PRKAR1B: variants seen among roughly 807,000 people sequenced by gnomAD.
PRKAR1B encodes the protein cAMP-dependent protein kinase type I-beta regulatory subunit.
PRKAR1B carries 22 observed loss-of-function variants against 46.5 expected under a neutral mutation model. The ratio of observed to expected loss-of-function variants is 0.47; its 90% CI spans 0.34 to 0.68. The LOEUF (loss-of-function observed/expected upper bound fraction) is 0.68. Ranked by LOEUF, PRKAR1B falls within the 30% of genes least tolerant of loss-of-function variation. PRKAR1B has a pLI of 0.01. For synonymous variants in PRKAR1B, 259 were observed against 217.7 expected (o/e 1.19, Z -1.67); for missense variants, 445 against 535.6 (o/e 0.83, Z 1.67).
intron 4 of PRKAR1B, among the ~76,000 whole-genome samples, chr7:622,692 C>A (rs549284398): frequency 6.6e-6 from 1 of 152,260 alleles, no homozygotes; most frequent in African/African-American, 2.4e-5. Flanking sequence ...AACAGTAGGT[C>A]TGCAGAGAAT....
intron 6 of PRKAR1B, among the ~76,000 whole-genome samples, chr7:599,659 C>T (rs1781480589): frequency 6.6e-6 from 1 of 152,270 alleles, no homozygotes; most frequent in Admixed American, 6.5e-5. Flanking sequence ...ATCACTGCAG[C>T]TTCTCTGGCG....
At position 672,845 on chromosome 7, in the gene PRKAR1B, C is replaced by A. The variant is rs143702559; in HGVS notation, c.440+4384G>T. ...TTGCAAGACTGCACTCCCGCCTGGG[C>A]AAGAAGAGTGAAACTCCATCTCAAA... On this transcript the variant is annotated intron_variant, in intron 4 of 10. Coordinates refer to ENST00000537384, the MANE Select transcript of PRKAR1B (RefSeq NM_001164760.2). Among the ~76,000 whole-genome samples, 262 of 151,772 alleles carry A rather than the reference C, an allele frequency of 1.7e-3. 2 individuals are homozygous for A. Among genetic ancestry groups the A allele is most frequent in the African/African-American group, 6.0e-3 (250 of 41,358 alleles).
chr7:595,463 C>A (rs868600746), intron 7 of PRKAR1B, among the ~76,000 whole-genome samples: 1 of 152,226 alleles, frequency 6.6e-6, no homozygotes, highest in Non-Finnish European at 1.5e-5. Flanking sequence ...GTGTTCCCCA[C>A]AGACCTGCAC....
intron 4 of PRKAR1B, among the ~76,000 whole-genome samples, chr7:613,808 C>T (rs1019144938): frequency 6.6e-6 from 1 of 152,250 alleles, no homozygotes; most frequent in Non-Finnish European, 1.5e-5. Flanking sequence ...CCAAGACAAG[C>T]GCAGGTTGGG....
intron 9 of PRKAR1B, among the ~76,000 whole-genome samples, chr7:567,529 TCATCACTATCACCATCA>T (rs2128432516): frequency 6.7e-6 from 1 of 150,100 alleles, no homozygotes; most frequent in Non-Finnish European, 1.5e-5. Flanking sequence ...ACCATCACCA[TCATCACTATCACCATCA>T]TCATCACCAT....
intron 9 of PRKAR1B, among the ~76,000 whole-genome samples, chr7:555,924 C>T (rs1778397804): frequency 6.6e-6 from 1 of 152,196 alleles, no homozygotes; most frequent in African/African-American, 2.4e-5. Flanking sequence ...ATCCAGGCCC[C>T]CCACCTCAAT....
chr7:591,411 G>A (rs1780969545), intron 7 of PRKAR1B, among the ~76,000 whole-genome samples: 1 of 152,086 alleles, frequency 6.6e-6, no homozygotes, highest in Non-Finnish European at 1.5e-5. Flanking sequence ...GGCACGGGGA[G>A]GGCGGGGGCG....
chr7:656,555 A>AATGG (rs148755226), intron 4 of PRKAR1B, among the ~76,000 whole-genome samples: 8 of 151,668 alleles, frequency 5.3e-5, no homozygotes, highest in Admixed American at 6.6e-5. Context: ...TGAGTGAGGG[A>AATGG]ATGGATGGAT....
chr7:688,704 C>A (rs933567194), intron 2 of PRKAR1B, among the ~76,000 whole-genome samples: 3 of 152,174 alleles, frequency 2.0e-5, no homozygotes, highest in South Asian at 2.1e-4. Flanking sequence ...CAGGAAAACC[C>A]TCCCAATACG....
At chr7:570,990 G>T (rs1327572686) in intron 9 of PRKAR1B, among the ~76,000 whole-genome samples, 1 of 152,234 alleles carries the variant, frequency 6.6e-6, no homozygotes, top group Admixed American at 6.5e-5. Context: ...GAGAGGACAG[G>T]GCGTGTCTGC....
At chr7:597,360 G>T (rs924453721) in intron 6 of PRKAR1B, among the ~76,000 whole-genome samples, 1 of 152,184 alleles carries the variant, frequency 6.6e-6, no homozygotes, top group African/African-American at 2.4e-5. Context: ...GGGGAGAACT[G>T]GTCGACCACG....
At chr7:575,524 G>T (rs1779768720) in intron 9 of PRKAR1B, among the ~76,000 whole-genome samples, 1 of 152,196 alleles carries the variant, frequency 6.6e-6, no homozygotes, top group Non-Finnish European at 1.5e-5. Flanking sequence ...CCAAGAATTT[G>T]AAGCCATCTT....
At chr7:623,855 G>T (rs1783239435) in intron 4 of PRKAR1B, among the ~76,000 whole-genome samples, 1 of 152,330 alleles carries the variant, frequency 6.6e-6, no homozygotes, top group South Asian at 2.1e-4. Context: ...AGGGTTCAGG[G>T]TATGGAATGA....
intron 2 of PRKAR1B, among the ~76,000 whole-genome samples, chr7:690,399 C>T (rs1779347200): frequency 1.3e-5 from 2 of 152,084 alleles, no homozygotes; most frequent in South Asian, 2.1e-4. Context: ...CCCTAGACCT[C>T]AGCATCACGC....
In PRKAR1B at chr7:726,212, AC is replaced by A. The variant is rs1330772207; in HGVS notation, c.-23+997del. ...GGGCGGCTACGCCTGAGATCTAATG[AC>A]AGGCTGCACGTGAAGCCCAGACCAG... On this transcript the variant is annotated intron_variant, in intron 1 of 10. Coordinates refer to ENST00000537384, the MANE Select transcript of PRKAR1B (RefSeq NM_001164760.2). Among the ~76,000 whole-genome samples, 6 of 152,350 alleles carry A rather than the reference AC, an allele frequency of 3.9e-5. No individual in the cohort carries two copies. In the East Asian group the frequency reaches 1.2e-3, roughly 29 times the overall value.
chr7:723,346 A>T (rs1373221625), intron 1 of PRKAR1B, among the ~76,000 whole-genome samples: 1 of 151,906 alleles, frequency 6.6e-6, no homozygotes, highest in East Asian at 1.9e-4. Flanking sequence ...TTCCTTGGAG[A>T]ATTTCTGTCT....
rs1434358545 is a variant in PRKAR1B, at chr7:714,907, C to T, written c.-22-3380G>A. On this transcript the variant is annotated intron_variant, in intron 1 of 10. Transcript: ENST00000537384. This position sits in a 1 kb window ranked among gnomAD's most constrained non-coding sequence, Gnocchi z 4.3. ...ATGTTCATCAATAAATACCTTTGGCCGGATGCGGTGGTTCACACCTGTAAT... is the reference window on the plus strand; with the variant it reads ...ATGTTCATCAATAAATACCTTTGGCTGGATGCGGTGGTTCACACCTGTAAT... 2.6e-5 allele frequency among the ~76,000 whole-genome samples: 4 copies of T among 152,148 alleles called. No individual in the cohort carries two copies. The highest frequency in any genetic ancestry group is 1.9e-4 in the East Asian group (1 of 5,200).
chr7:720,517 T>C (rs566903397), intron 1 of PRKAR1B, among the ~76,000 whole-genome samples: 121 of 152,358 alleles, frequency 7.9e-4, no homozygotes, highest in African/African-American at 2.5e-3. Context: ...GTTGATGGTG[T>C]TGCTCTGCTA....
At chr7:692,988 G>A (rs1006693566) in intron 2 of PRKAR1B, among the ~76,000 whole-genome samples, 7 of 151,990 alleles carry the variant, frequency 4.6e-5, no homozygotes, top group Non-Finnish European at 1.0e-4. Flanking sequence ...AGGCTGGAGG[G>A]CAGTGGTGCG....
Sources: allele counts gnomAD v4.1 joint callset (sites outside exome capture counted in the v4.1 genomes callset), GRCh38; gene constraint gnomAD v4.1.1; non-coding constraint Gnocchi (gnomAD v3.1); transcripts MANE v1.5; gene names NCBI Gene and HGNC (gene_info 2026-07-23, HGNC 2026-07-21).